Variants in CFAP47 observed in about 807,000 individuals in gnomAD.
The protein encoded by CFAP47 is cilia- and flagella-associated protein 47.
Under a neutral mutation model 148.1 loss-of-function variants are expected in CFAP47, and 29 were observed. That is an observed-to-expected ratio of 0.20 (90% CI 0.15 to 0.27). The LOEUF (loss-of-function observed/expected upper bound fraction) is 0.27, where lower values mean the gene tolerates loss of function less well. Among genes scored for constraint, CFAP47 ranks in the 10% least tolerant of loss-of-function variants. The pLI, the probability that CFAP47 is intolerant of heterozygous loss-of-function variation, is 1.00. For synonymous variants in CFAP47, 664 were observed against 577.3 expected (o/e 1.15, Z -2.15); for missense variants, 1,872 against 1,697.5 (o/e 1.10, Z -1.81).
chrX:36,020,046 T>A (rs897097589), intron 22 of CFAP47, among the ~76,000 whole-genome samples: 7 of 112,014 alleles, frequency 6.2e-5, no homozygotes, highest in Middle Eastern at 4.6e-3. Flanking sequence ...TTTTCTGATA[T>A]AGACACTTAT....
intron 57 of CFAP47, among the ~76,000 whole-genome samples, chrX:36,333,270 A>G (rs963103551): frequency 4.9e-4 from 54 of 110,487 alleles, no homozygotes; most frequent in African/African-American, 1.7e-3. Flanking sequence ...AAACTTTACC[A>G]TACCATTAAT....
At chrX:36,203,204 C>T (rs1555988337) in intron 44 of CFAP47, among the ~76,000 whole-genome samples, 1 of 111,544 alleles carries the variant, frequency 9.0e-6, no homozygotes, top group East Asian at 2.8e-4. Context: ...TTTTCTTTAG[C>T]TCAAACCAAA....
At position 36,190,125 on chromosome X, in the gene CFAP47, A is replaced by G; in HGVS notation, c.6250A>G (p.Ser2084Gly). The G allele has an allele frequency of 3.4e-6, 1 of 298,069 alleles. No homozygotes were observed. The highest frequency in any genetic ancestry group is 5.9e-6 in the Non-Finnish European group (1 of 170,278). 24.6% of individuals were successfully genotyped at this position (298,069 alleles called of 1,213,427 possible). ...TVHLGVKGTSSLELRFLPFNM... is the reference protein window; with the variant it reads ...TVHLGVKGTSGLELRFLPFNM... Reference sequence around the variant, plus strand: ...TCACCTGGGAGTGAAAGGAACTTCAAGCCTAGAGCTCCGCTTTCTTCCCTT... The same window carrying G: ...TCACCTGGGAGTGAAAGGAACTTCAGGCCTAGAGCTCCGCTTTCTTCCCTT... The change falls in exon 42 of 64, where the codon AGC becomes GGC. Residue 2084 changes from serine (S) to glycine (G), a missense_variant. By Grantham distance (56) the Ser-to-Gly change is moderately conservative. Coordinates refer to ENST00000378653, the MANE Select transcript of CFAP47 (RefSeq NM_001304548.2).
At chrX:36,167,218 G>C (rs150175397) in intron 39 of CFAP47, among the ~76,000 whole-genome samples, 1 of 110,795 alleles carries the variant, frequency 9.0e-6, no homozygotes, top group Non-Finnish European at 1.9e-5. Flanking sequence ...TTCAACTTTC[G>C]CTTGAATTTC....
intron 53 of CFAP47, among the ~76,000 whole-genome samples, chrX:36,303,513 C>T (rs781925915): frequency 1.8e-5 from 2 of 109,843 alleles, no homozygotes; most frequent in East Asian, 2.9e-4. Flanking sequence ...TTGCCAGCAA[C>T]GTTTGGCTTT....
At chrX:36,041,169 A>G (rs1468546294) in intron 25 of CFAP47, among the ~76,000 whole-genome samples, 1 of 111,433 alleles carries the variant, frequency 9.0e-6, no homozygotes, top group Non-Finnish European at 1.9e-5. Context: ...AAATATATAC[A>G]AAACAGAAAC....
intron 62 of CFAP47, among the ~76,000 whole-genome samples, chrX:36,379,091 C>T (rs782601079): frequency 1.5e-4 from 16 of 109,206 alleles, no homozygotes; most frequent in East Asian, 2.8e-4. Flanking sequence ...GGATTATAGG[C>T]GTGAGCCACC....
intron 51 of CFAP47, among the ~76,000 whole-genome samples, chrX:36,292,834 C>A (rs1362043746): frequency 9.0e-6 from 1 of 110,781 alleles, no homozygotes; most frequent in African/African-American, 3.3e-5. Context: ...CTTTTAAATT[C>A]CTTTTGAGTT....
At chrX:36,182,950 AAGAACC>A (rs1939767286) in intron 40 of CFAP47, among the ~76,000 whole-genome samples, 1 of 112,252 alleles carries the variant, frequency 8.9e-6, no homozygotes, top group Non-Finnish European at 1.9e-5. Context: ...TGGTAGCTTT[AAGAACC>A]AGTGAGAAAT....
chrX:36,094,765 A>C (rs2146786729), intron 30 of CFAP47, among the ~76,000 whole-genome samples: 1 of 111,562 alleles, frequency 9.0e-6, no homozygotes, highest in African/African-American at 3.2e-5. Flanking sequence ...TATTTCTAAT[A>C]GGTTTTTTTG....
At chrX:36,377,251 G>A (rs1316265562) in intron 62 of CFAP47, among the ~76,000 whole-genome samples, 1 of 111,734 alleles carries the variant, frequency 8.9e-6, no homozygotes, top group Non-Finnish European at 1.9e-5. Context: ...CAGTGTAAAA[G>A]TGTTCCTATT....
At chrX:36,170,466 G>GA (rs1328145383) in intron 39 of CFAP47, among the ~76,000 whole-genome samples, 3 of 107,875 alleles carry the variant, frequency 2.8e-5, no homozygotes, top group East Asian at 2.9e-4. Context: ...CCCCACAACA[G>GA]TCCCCAGAGT....
chrX:36,049,492 A>G (rs769302767), intron 26 of CFAP47, among the ~76,000 whole-genome samples: 1 of 74,861 alleles, frequency 1.3e-5, no homozygotes, highest in Admixed American at 1.7e-4. Context: ...TCTCTCTCAC[A>G]CACACACACA....
rs782521321 is a variant in CFAP47 at position 36,204,342 on chromosome X, C to T, written c.6664-615C>T. Among the ~76,000 whole-genome samples, 4 of 110,605 alleles carry T rather than the reference C, an allele frequency of 3.6e-5. No individual in the cohort carries two copies. In the Admixed American group the frequency reaches 3.9e-4, roughly 11 times the overall value. On this transcript the variant is annotated intron_variant, in intron 44 of 63. Transcript: ENST00000378653. ...AACTATCGCAAGAACAAAAACCAAA[C>T]ACCGCATGTTCTCACTCATAGGTGG...
chrX:36,104,523 C>A lies in CFAP47; in HGVS notation c.5152C>A (p.Pro1718Thr). The change falls in exon 33 of 64, where the codon CCA becomes ACA. Residue 1718 changes from proline (P) to threonine (T), a missense_variant. Coordinates refer to ENST00000378653, the MANE Select transcript of CFAP47 (RefSeq NM_001304548.2). ...GGTTTTGGTTCTATCCCGTGTAGTG[C>A]CATACTGCAGCAATAATATGCCCCC... Reference protein sequence around the residue: ...YKVLVLSRVVPYCSNNMPPIC... With the variant: ...YKVLVLSRVVTYCSNNMPPIC... The A allele has an allele frequency of 1.0e-6, 1 of 961,388 alleles. No homozygotes were observed. Among genetic ancestry groups the A allele is most frequent in the Non-Finnish European group, 1.4e-6 (1 of 706,558 alleles). The allele number at this position is 961,388 out of a possible 1,213,427, so 79.2% of individuals were successfully genotyped here.
intron 49 of CFAP47, among the ~76,000 whole-genome samples, chrX:36,280,145 A>G (rs975529700): frequency 9.9e-5 from 11 of 111,603 alleles, no homozygotes; most frequent in Non-Finnish European, 2.1e-4. Flanking sequence ...CATTAAAATG[A>G]CTTAGGAAGA....
intron 60 of CFAP47, among the ~76,000 whole-genome samples, chrX:36,358,364 T>A (rs1018499513): frequency 5.4e-5 from 6 of 111,962 alleles, no homozygotes; most frequent in African/African-American, 1.6e-4. Context: ...TATTTTCTTT[T>A]CTGACCTAAC....
chrX:36,169,523 T>C (rs1939539354), intron 39 of CFAP47, among the ~76,000 whole-genome samples: 2 of 111,397 alleles, frequency 1.8e-5, no homozygotes, highest in South Asian at 7.5e-4. Flanking sequence ...TGCTTCTTTT[T>C]TTCTTTTGCC....
At chrX:35,981,861 T>A (rs1026945069) in intron 15 of CFAP47, among the ~76,000 whole-genome samples, 2 of 112,169 alleles carry the variant, frequency 1.8e-5, no homozygotes, top group Non-Finnish European at 3.8e-5. Context: ...GATCACATTC[T>A]TTTTTATGGC....
Sources: allele counts gnomAD v4.1 joint callset (sites outside exome capture counted in the v4.1 genomes callset), GRCh38; gene constraint gnomAD v4.1.1; transcripts MANE v1.5; gene names NCBI Gene and HGNC (gene_info 2026-07-23, HGNC 2026-07-21).